The following CALCR variants were observed in gnomAD, a reference collection of about 807,000 sequenced individuals.
CALCR encodes the protein calcitonin receptor.
A neutral mutation model predicts 59.5 loss-of-function variants in CALCR; 47 were observed. That is an observed-to-expected ratio of 0.79 (90% confidence interval 0.63 to 1.01). CALCR has a LOEUF of 1.01. Among genes scored for constraint, CALCR ranks in the 50% least tolerant of loss-of-function variants. The pLI is 0.00. For missense variants in CALCR, 566 were observed against 597.1 expected, an observed-to-expected ratio of 0.95 and a Z score of 0.54; for synonymous variants, 213 against 211.3, an observed-to-expected ratio of 1.01 and a Z score of -0.07.
chr7:93,434,734 G>C (rs1799738301), intron 12 of CALCR, among the ~76,000 whole-genome samples: 2 of 152,130 alleles, frequency 1.3e-5, no homozygotes, highest in Non-Finnish European at 2.9e-5. Context: ...GTGCAATACT[G>C]TACCCACCGC....
intron 2 of CALCR, among the ~76,000 whole-genome samples, chr7:93,566,710 T>C (rs1789871016): frequency 6.6e-6 from 1 of 152,160 alleles, no homozygotes; most frequent in South Asian, 2.1e-4. Flanking sequence ...TAATATACCA[T>C]ATGATTGTCT....
intron 7 of CALCR, among the ~76,000 whole-genome samples, chr7:93,461,556 C>T (rs1193112343): frequency 6.6e-6 from 1 of 152,152 alleles, no homozygotes; most frequent in Non-Finnish European, 1.5e-5. Context: ...AGCTCAGACA[C>T]AGGCAGAGAA....
chr7:93,427,652 T>C (rs1350825732), intron 13 of CALCR, among the ~76,000 whole-genome samples: 2 of 152,166 alleles, frequency 1.3e-5, no homozygotes, highest in African/African-American at 4.8e-5. Context: ...TTTACATTTG[T>C]ACAAATCTGA....
chr7:93,483,359 A>G (rs1216007209), intron 3 of CALCR, among the ~76,000 whole-genome samples: 1 of 151,422 alleles, frequency 6.6e-6, no homozygotes, highest in Admixed American at 6.6e-5. Flanking sequence ...TCTATCCAAG[A>G]TTGGTTCAAT....
At chr7:93,480,175 A>G (rs201098241) in intron 3 of CALCR, among the ~76,000 whole-genome samples, 67 of 152,022 alleles carry the variant, frequency 4.4e-4, no homozygotes, top group Non-Finnish European at 8.0e-4. Flanking sequence ...CAGATTGACA[A>G]TAGTTTTTTT....
chr7:93,554,605 C>T (rs1789543577), intron 2 of CALCR, among the ~76,000 whole-genome samples: 1 of 151,630 alleles, frequency 6.6e-6, no homozygotes, highest in African/African-American at 2.4e-5. Flanking sequence ...ATACAGAGTC[C>T]AGCAATAGCA....
At chr7:93,515,160 T>G (rs1320178203) in intron 2 of CALCR, among the ~76,000 whole-genome samples, 2 of 152,192 alleles carry the variant, frequency 1.3e-5, no homozygotes, top group East Asian at 3.9e-4. Context: ...ATTCTTATAA[T>G]TGTAAATCAC....
In CALCR at chr7:93,573,114, C is replaced by A. The variant is rs563645976; in HGVS notation, c.-27+1175G>T. ...TTTCTCTCATAATACTGGTGTATAA[C>A]CAGCAATCTCAACTTTTTAAAGCTG... is the stretch of plus-strand genomic sequence containing the variant. On this transcript the variant is annotated intron_variant, in intron 2 of 13. Coordinates refer to ENST00000426151, the MANE Select transcript of CALCR (RefSeq NM_001742.4). Among the ~76,000 whole-genome samples, 3 of 152,236 alleles carry A rather than the reference C, an allele frequency of 2.0e-5. 1 individual carries two copies. The highest frequency in any genetic ancestry group is 7.2e-5 in the African/African-American group (3 of 41,558).
intron 8 of CALCR, among the ~76,000 whole-genome samples, chr7:93,453,426 A>C (rs1440439435): frequency 6.6e-6 from 1 of 152,076 alleles, no homozygotes; most frequent in African/African-American, 2.4e-5. Flanking sequence ...TTCAGCAAGA[A>C]CAATGATGTA....
At chr7:93,533,188 T>C (rs887041196) in intron 2 of CALCR, among the ~76,000 whole-genome samples, 3 of 152,100 alleles carry the variant, frequency 2.0e-5, no homozygotes, top group Admixed American at 6.6e-5. Flanking sequence ...TTATACATCA[T>C]TTTGCTTAAA....
rs186401150 is a variant in CALCR at position 93,519,032 on chromosome 7, A to G, written c.-26-32025T>C. On this transcript the variant is annotated intron_variant, in intron 2 of 13. Transcript: ENST00000426151. ...TGTTAATTATGTAATAAAAAGCTTA[A>G]GCCATGCTAACTGAGTAGTGAATTA... Among the ~76,000 whole-genome samples, 323 of 152,088 alleles carry G rather than the reference A, an allele frequency of 2.1e-3. 1 individual carries two copies. The highest frequency in any genetic ancestry group is 3.4e-3 in the Middle Eastern group (1 of 294).
intron 2 of CALCR, among the ~76,000 whole-genome samples, chr7:93,554,341 C>T (rs1789537242): frequency 6.6e-6 from 1 of 152,000 alleles, no homozygotes; most frequent in Non-Finnish European, 1.5e-5. Flanking sequence ...GTAAGGTTTT[C>T]AACACTTGCT....
intron 3 of CALCR, chr7:93,482,820 G>T (rs1233153771): frequency 1.9e-6 from 1 of 533,598 alleles, no homozygotes; most frequent in South Asian, 1.4e-5. Context: ...TTTGAAGCTG[G>T]TTCAGTAGAG....
At chr7:93,534,033 T>C (rs1788919504) in intron 2 of CALCR, among the ~76,000 whole-genome samples, 1 of 151,742 alleles carries the variant, frequency 6.6e-6, no homozygotes, top group African/African-American at 2.4e-5. Context: ...AACAGAAGTA[T>C]AATTTTGAAA....
At chr7:93,563,613 T>C (rs1789795997) in intron 2 of CALCR, among the ~76,000 whole-genome samples, 1 of 152,120 alleles carries the variant, frequency 6.6e-6, no homozygotes, top group African/African-American at 2.4e-5. Flanking sequence ...GCTGTAGAGG[T>C]TAATATTTAG....
intron 13 of CALCR, among the ~76,000 whole-genome samples, chr7:93,431,403 T>A (rs777503609): frequency 4.6e-5 from 7 of 152,150 alleles, no homozygotes; most frequent in Non-Finnish European, 1.0e-4. Flanking sequence ...ACAGGCTCTA[T>A]GTGGTGTGAA....
intron 2 of CALCR, among the ~76,000 whole-genome samples, chr7:93,502,511 C>T (rs371250020): frequency 1.3e-5 from 2 of 152,134 alleles, no homozygotes; most frequent in African/African-American, 4.8e-5. Context: ...TAACTATCTT[C>T]TGGCTAAGTT....
At position 93,436,156 on chromosome 7, in the gene CALCR, A is replaced by G; in HGVS notation, c.945T>C (p.Phe315=). 1 of 1,614,076 alleles carries G rather than the reference A, an allele frequency of 6.2e-7. No homozygotes were observed. Among genetic ancestry groups the G allele is most frequent in the Non-Finnish European group, 8.5e-7 (1 of 1,179,916 alleles). ...CAAGCACCCGGACAATGTTGAGCAA[A>G]AAGAAGAAATTGACCTGCAAATATA... is the stretch of plus-strand genomic sequence containing the variant. ...VMAALVVNFF[F]LLNIVRVLVT... Residue 315 remains phenylalanine, a synonymous_variant, in exon 12 of 14, where the codon TTT becomes TTC. Coordinates refer to ENST00000426151, the MANE Select transcript of CALCR (RefSeq NM_001742.4).
At chr7:93,434,389 G>GAAAAA (rs200558502) in intron 12 of CALCR, 95 bp from the exon 13 acceptor site, 520 of 511,418 alleles carry the variant, frequency 1.0e-3, no homozygotes, top group Admixed American at 4.1e-3. Flanking sequence ...AAGGCCTGAT[G>GAAAAA]AAAAAAAAAA....
Sources: gnomAD v4.1 joint callset for allele counts (sites outside exome capture counted in the v4.1 genomes callset) on GRCh38, gnomAD v4.1.1 for gene constraint, MANE v1.5 for transcripts, NCBI Gene and HGNC (gene_info 2026-07-23, HGNC 2026-07-21) for gene names.